RANBP9: variants seen among roughly 807,000 people sequenced by gnomAD.
The protein encoded by RANBP9 is RAN binding protein 9.
In RANBP9, 15 loss-of-function variants were observed where a neutral mutation model predicts 84.3. The observed-to-expected ratio is 0.18, with a 90% CI of 0.12 to 0.27. The LOEUF (loss-of-function observed/expected upper bound fraction) is 0.27. RANBP9 is among the 10% of genes least tolerant of loss of function. The pLI is 1.00. For synonymous variants in RANBP9, 392 were observed against 349.6 expected, an observed-to-expected ratio of 1.12 and a Z score of -1.35; for missense variants, 809 against 912.8, an observed-to-expected ratio of 0.89 and a Z score of 1.46.
intron 2 of RANBP9, among the ~76,000 whole-genome samples, chr6:13,686,440 C>T (rs1291436554): frequency 4.6e-5 from 7 of 151,954 alleles, no homozygotes; most frequent in Non-Finnish European, 1.0e-4. Flanking sequence ...TGCGCCACCA[C>T]GCCCAGCTAT....
At chr6:13,697,335 T>C (rs1389193428) in intron 1 of RANBP9, among the ~76,000 whole-genome samples, 1 of 152,238 alleles carries the variant, frequency 6.6e-6, no homozygotes, top group African/African-American at 2.4e-5. Context: ...AGCATCTGTA[T>C]TGTATATTTC....
At position 13,622,040 on chromosome 6, in the gene RANBP9, C is replaced by G. The variant is rs1764463732; in HGVS notation, c.*322G>C. The G allele has an allele frequency of 1.2e-5, 2 of 167,336 alleles. No individual in the cohort carries two copies. Among genetic ancestry groups the G allele is most frequent in the Non-Finnish European group, 2.6e-5 (2 of 78,240 alleles). 10.4% of individuals were successfully genotyped at this position (167,336 alleles called of 1,614,324 possible). ...TGTTCCATTTCCTTCCCCTCTCTCC[C>G]CCCTCCCCCACAAAGAAGGCAGGAT... is the stretch of plus-strand genomic sequence containing the variant. On this transcript the variant is annotated 3_prime_UTR_variant, in exon 14 of 14. Transcript: ENST00000011619.
chr6:13,680,749 C>G (rs1409697955), intron 2 of RANBP9, among the ~76,000 whole-genome samples: 2 of 147,850 alleles, frequency 1.4e-5, no homozygotes, highest in East Asian at 2.0e-4. Flanking sequence ...AAGTGAGAGT[C>G]TGTCTCGGAA....
intron 1 of RANBP9, among the ~76,000 whole-genome samples, chr6:13,710,064 G>C (rs1223689657): frequency 6.6e-6 from 1 of 152,040 alleles, no homozygotes; most frequent in Non-Finnish European, 1.5e-5. Flanking sequence ...AGTTCCCATA[G>C]CAATTCATAA....
intron 12 of RANBP9, among the ~76,000 whole-genome samples, chr6:13,631,282 G>C (rs987141289): frequency 1.3e-5 from 2 of 152,148 alleles, no homozygotes; most frequent in African/African-American, 4.8e-5. Context: ...ATCTCAGCTA[G>C]GGAAAATACA....
chr6:13,629,579 C>T (rs564842041), intron 12 of RANBP9, among the ~76,000 whole-genome samples: 92 of 152,254 alleles, frequency 6.0e-4, no homozygotes, highest in African/African-American at 2.1e-3. Context: ...AATAGGGTGA[C>T]TCTAAATGGT....
At chr6:13,665,823 T>G (rs1326735264) in intron 2 of RANBP9, among the ~76,000 whole-genome samples, 1 of 152,126 alleles carries the variant, frequency 6.6e-6, no homozygotes, top group Non-Finnish European at 1.5e-5. Context: ...TGGATCAATC[T>G]CAAAATGTCA....
intron 1 of RANBP9, among the ~76,000 whole-genome samples, chr6:13,703,392 C>T (rs1230266214): frequency 6.6e-6 from 1 of 152,214 alleles, no homozygotes; most frequent in Non-Finnish European, 1.5e-5. Context: ...AGACCTCTCT[C>T]CCAAGCTTCA....
intron 5 of RANBP9, among the ~76,000 whole-genome samples, chr6:13,645,654 T>C (rs1173370433): frequency 1.3e-5 from 2 of 152,208 alleles, no homozygotes; most frequent in Non-Finnish European, 2.9e-5. Flanking sequence ...TGCTAACAAA[T>C]GGCAGAGATG....
intron 2 of RANBP9, among the ~76,000 whole-genome samples, chr6:13,673,614 G>T (rs1472672068): frequency 4.6e-5 from 7 of 152,192 alleles, no homozygotes; most frequent in African/African-American, 7.2e-5. Context: ...AGGGACAGGA[G>T]GGAGGAGTTG....
At chr6:13,634,926 C>T (rs1584914150) in intron 10 of RANBP9, among the ~76,000 whole-genome samples, 1 of 152,146 alleles carries the variant, frequency 6.6e-6, no homozygotes, top group South Asian at 2.1e-4. Context: ...CTCCCCCTAC[C>T]CCCAGCACTG....
At chr6:13,709,992 AT>A (rs937987336) in intron 1 of RANBP9, among the ~76,000 whole-genome samples, 2 of 151,832 alleles carry the variant, frequency 1.3e-5, no homozygotes, top group East Asian at 1.9e-4. Context: ...CGTTAGGTTG[AT>A]TTTTTTTTCT....
At chr6:13,657,077 G>A in intron 4 of RANBP9, 32 bp downstream of exon 4, 1 of 1,532,532 alleles carries the variant, frequency 6.5e-7, no homozygotes, top group East Asian at 2.3e-5. Context: ...TCCATATTTG[G>A]TTATTTTGCA....
intron 10 of RANBP9, among the ~76,000 whole-genome samples, chr6:13,637,442 A>C (rs747392445): frequency 1.3e-5 from 2 of 152,240 alleles, no homozygotes; most frequent in African/African-American, 4.8e-5. Context: ...TCACCGTTCA[A>C]GGTTAAATAT....
chr6:13,704,515 C>A (rs747819084), intron 1 of RANBP9, among the ~76,000 whole-genome samples: 8 of 151,962 alleles, frequency 5.3e-5, no homozygotes, highest in Non-Finnish European at 1.0e-4. Context: ...CCTGTAGTTG[C>A]AGCTATTCAG....
intron 1 of RANBP9, among the ~76,000 whole-genome samples, chr6:13,697,104 C>T (rs1213401751): frequency 1.3e-5 from 2 of 152,168 alleles, no homozygotes; most frequent in African/African-American, 2.4e-5. Context: ...CACACTATTA[C>T]TAGTTTTATT....
At chr6:13,680,831 G>A (rs1441734979) in intron 2 of RANBP9, among the ~76,000 whole-genome samples, 1 of 151,556 alleles carries the variant, frequency 6.6e-6, no homozygotes, top group Non-Finnish European at 1.5e-5. Flanking sequence ...AATATAATGA[G>A]TATAATGGTC....
intron 5 of RANBP9, among the ~76,000 whole-genome samples, chr6:13,649,461 GA>G (rs375894187): frequency 0.44 from 40,405 of 92,750 alleles, 6,253 homozygotes; most frequent in Admixed American, 0.53. Context: ...TGCCACAACA[GA>G]AAAAAAAAAA....
chr6:13,672,910 A>C (rs979623979), intron 2 of RANBP9, among the ~76,000 whole-genome samples: 2 of 152,138 alleles, frequency 1.3e-5, no homozygotes, highest in African/African-American at 4.8e-5. Flanking sequence ...TTGAGAATGG[A>C]GGACAACTAT....
Sources: allele counts gnomAD v4.1 joint callset (sites outside exome capture counted in the v4.1 genomes callset), GRCh38; gene constraint gnomAD v4.1.1; transcripts MANE v1.5; gene names NCBI Gene and HGNC (gene_info 2026-07-23, HGNC 2026-07-21).